Variants in PRKCQ observed in about 807,000 individuals in gnomAD.
PRKCQ encodes the protein protein kinase C theta.
In PRKCQ, 41 loss-of-function variants were observed where a neutral mutation model predicts 91.2. The ratio of observed to expected loss-of-function variants is 0.45; its 90% confidence interval spans 0.35 to 0.58. The LOEUF is 0.58. PRKCQ is among the 20% of genes least tolerant of loss of function. The pLI is 0.00. For synonymous variants in PRKCQ, 307 were observed against 316.9 expected, an observed-to-expected ratio of 0.97 and a Z score of 0.33; for missense variants, 673 against 896.5, an observed-to-expected ratio of 0.75 and a Z score of 3.18.
At chr10:6,412,633 T>G in the PRKCQ span, among the ~76,000 whole-genome samples, 1 of 152,220 alleles carries the variant, frequency 6.6e-6, no homozygotes. Context: ...GAATTTTAAG[T>G]CAGTGGGGGA....
intron 1 of PRKCQ, among the ~76,000 whole-genome samples, chr10:6,537,684 G>C (rs1839634357): frequency 1.3e-5 from 2 of 152,210 alleles, no homozygotes; most frequent in African/African-American, 4.8e-5. Context: ...CTCCCACTGA[G>C]CTCTCTTCGC....
chr10:6,516,808 C>T (rs769131528), intron 1 of PRKCQ, among the ~76,000 whole-genome samples: 1 of 152,090 alleles, frequency 6.6e-6, no homozygotes, highest in Non-Finnish European at 1.5e-5. Context: ...GCCCAGCAGG[C>T]GTCTGGGAAA....
intron 12 of PRKCQ, among the ~76,000 whole-genome samples, chr10:6,477,948 C>T (rs1836360708): frequency 1.3e-5 from 2 of 152,120 alleles, no homozygotes; most frequent in African/African-American, 4.8e-5. Flanking sequence ...TTCTTTGGCC[C>T]TTAGTCATAT....
intron 1 of PRKCQ, among the ~76,000 whole-genome samples, chr10:6,573,599 T>C (rs1841120697): frequency 6.7e-6 from 1 of 149,640 alleles, no homozygotes; most frequent in Admixed American, 6.6e-5. Context: ...CCATAGTTTG[T>C]TTACTTTTTG....
the PRKCQ span, among the ~76,000 whole-genome samples, chr10:6,401,650 A>G: frequency 6.6e-6 from 1 of 152,136 alleles, no homozygotes; most frequent in African/African-American, 2.4e-5. Flanking sequence ...TTGCGGGGCC[A>G]GGGCACTCTG....
In PRKCQ at chr10:6,465,634, AC is replaced by A. The variant is rs1835612078; in HGVS notation, c.1354-1231del. ...CCTGGGTGGTTTCTTAACAGAATTA[AC>A]CTTTACGTTTTGATGTGAACCCAAC... On this transcript the variant is annotated intron_variant, in intron 12 of 17. Transcript: ENST00000263125. The surrounding 1 kb of genome is among the most constrained non-coding windows in gnomAD (Gnocchi z 4.4). 6.6e-6 allele frequency among the ~76,000 whole-genome samples: 1 copy of A among 152,164 alleles called. No homozygotes were observed. Among genetic ancestry groups the A allele is most frequent in the Non-Finnish European group, 1.5e-5 (1 of 68,028 alleles).
the PRKCQ span, among the ~76,000 whole-genome samples, chr10:6,402,095 A>C: frequency 6.6e-6 from 1 of 152,134 alleles, no homozygotes; most frequent in Admixed American, 6.5e-5. Context: ...AACTAACACA[A>C]GAACAGAAAA....
At chr10:6,529,350 TTCTC>T (rs1393266878) in intron 1 of PRKCQ, among the ~76,000 whole-genome samples, 1 of 152,224 alleles carries the variant, frequency 6.6e-6, no homozygotes, top group Non-Finnish European at 1.5e-5. Flanking sequence ...AAAGACAACC[TTCTC>T]TCTGACTCTA....
chr10:6,421,813 C>G, the PRKCQ span, among the ~76,000 whole-genome samples: 1,938 of 152,314 alleles, frequency 0.013, 22 homozygotes, highest in South Asian at 0.031. This position sits in a 1 kb window ranked among gnomAD's most constrained non-coding sequence, Gnocchi z 4.1. Context: ...GTGCATAGAT[C>G]GAGTCACTGC....
rs1403986173 is a variant in PRKCQ, at chr10:6,533,987, C to T, written c.-9-18843G>A. 4.6e-5 allele frequency among the ~76,000 whole-genome samples: 7 copies of T among 152,072 alleles called. No homozygotes were observed. The East Asian group carries it at 1.3e-3, about 29-fold the overall frequency. ...CTTAGATATGATCCCACAGACAAGC[C>T]CCAAAAAGGTAAACATTTCCAAACT... On this transcript the variant is annotated intron_variant, in intron 1 of 17. Coordinates refer to ENST00000263125, the MANE Select transcript of PRKCQ (RefSeq NM_006257.5).
At chr10:6,545,987 T>C (rs922789152) in intron 1 of PRKCQ, among the ~76,000 whole-genome samples, 2 of 151,298 alleles carry the variant, frequency 1.3e-5, no homozygotes, top group African/African-American at 4.9e-5. Context: ...CTGGGGGACA[T>C]AGCAAAACTC....
the PRKCQ span, among the ~76,000 whole-genome samples, chr10:6,394,910 C>T: frequency 6.6e-6 from 1 of 152,146 alleles, no homozygotes; most frequent in African/African-American, 2.4e-5. Flanking sequence ...TTCCTTGTGC[C>T]GGAACGGTGC....
At chr10:6,481,994 C>T (rs1289822110) in intron 11 of PRKCQ, among the ~76,000 whole-genome samples, 2 of 144,922 alleles carry the variant, frequency 1.4e-5, no homozygotes, top group African/African-American at 4.9e-5. Flanking sequence ...TTCTCACCTC[C>T]CCTTTTTTTT....
intron 1 of PRKCQ, among the ~76,000 whole-genome samples, chr10:6,564,914 C>T (rs958788798): frequency 6.6e-6 from 1 of 152,274 alleles, no homozygotes; most frequent in Admixed American, 6.5e-5. Context: ...TACTTGCTAC[C>T]AAATCCCATT....
intron 3 of PRKCQ, among the ~76,000 whole-genome samples, chr10:6,509,239 A>G (rs1339536700): frequency 6.6e-6 from 1 of 152,218 alleles, no homozygotes; most frequent in Admixed American, 6.5e-5. Context: ...TAGGCAAGAA[A>G]TCATATGCAA....
chr10:6,428,484 T>A, intron 17 of PRKCQ, 122 bp from the exon 18 acceptor site: 2 of 1,058,884 alleles, frequency 1.9e-6, no homozygotes, highest in Non-Finnish European at 2.8e-6. Flanking sequence ...GCAGAGACAC[T>A]AAATGGAGGC....
At chr10:6,462,416 T>G in intron 13 of PRKCQ, 51 bp from the exon 14 acceptor site, 2 of 1,573,692 alleles carry the variant, frequency 1.3e-6, no homozygotes, top group Non-Finnish European at 1.7e-6. Context: ...TGGAACGAAA[T>G]AAAATCCCAA....
chr10:6,469,582 T>C (rs1471570729), intron 12 of PRKCQ, among the ~76,000 whole-genome samples: 1 of 152,172 alleles, frequency 6.6e-6, no homozygotes, highest in Non-Finnish European at 1.5e-5. Context: ...ATTAAATAAG[T>C]TGTGAGTTGG....
rs147069375 is a variant in PRKCQ at position 6,498,500 on chromosome 10, C to A, written c.438G>T (p.Arg146=). The A allele has an allele frequency of 1.4e-3, 2,224 of 1,614,088 alleles. 6 individuals are homozygous for A. Among genetic ancestry groups the A allele is most frequent in the Middle Eastern group, 1.5e-3 (9 of 6,062 alleles). ...GGACCTTTGCCTGCTTGATGGCACC[C>A]CGGCGCTGATGCAAAGCAAAGAAGC... ...TEGFFALHQR[R]GAIKQAKVHH... The change falls in exon 5 of 18, where the codon CGG becomes CGT. Residue 146 remains arginine (R), a synonymous_variant. Transcript: ENST00000263125.
Sources: allele counts gnomAD v4.1 joint callset (sites outside exome capture counted in the v4.1 genomes callset), GRCh38; gene constraint gnomAD v4.1.1; non-coding constraint Gnocchi (gnomAD v3.1); transcripts MANE v1.5; gene names NCBI Gene and HGNC (gene_info 2026-07-23, HGNC 2026-07-21).